Variants in KPNA4 observed in about 807,000 individuals in gnomAD.
The protein encoded by KPNA4 is karyopherin subunit alpha 4.
Under a neutral mutation model 71.3 loss-of-function variants are expected in KPNA4, and 13 were observed. That is an observed-to-expected ratio of 0.18 (90% confidence interval 0.12 to 0.29). KPNA4 has a LOEUF of 0.29. Ranked by LOEUF, KPNA4 falls within the 10% of genes least tolerant of loss-of-function variation. The pLI, the probability that KPNA4 is intolerant of heterozygous loss-of-function variation, is 1.00. For synonymous variants in KPNA4, 189 were observed against 195.2 expected (o/e 0.97, Z 0.26); for missense variants, 334 against 603.2 (o/e 0.55, Z 4.67).
chr3:160,555,927 G>A (rs1019086941), intron 1 of KPNA4, among the ~76,000 whole-genome samples: 2 of 152,192 alleles, frequency 1.3e-5, no homozygotes, highest in African/African-American at 4.8e-5. Flanking sequence ...CACCTCCTGG[G>A]TTCAAGTGAT....
At chr3:160,519,771 C>G (rs1290957072) in intron 11 of KPNA4, among the ~76,000 whole-genome samples, 3 of 133,286 alleles carry the variant, frequency 2.3e-5, no homozygotes, top group South Asian at 2.3e-4. Flanking sequence ...GTCCGCAGTC[C>G]GGCCTGGGCG....
In KPNA4 at chr3:160,537,406, T is replaced by C. The variant is rs190847602; in HGVS notation, c.70-566A>G. On this transcript the variant is annotated intron_variant, in intron 1 of 16. Transcript: ENST00000334256. ...TTCCATGGTGGTGTATAAAGACCTA[T>C]TTTATTATTTTTCATGGTCACCCAA... Among the ~76,000 whole-genome samples the C allele has an allele frequency of 1.4e-4, 22 of 151,972 alleles. No homozygotes were observed. The East Asian group carries it at 3.7e-3, about 25-fold the overall frequency.
At chr3:160,545,771 A>G (rs1361553169) in intron 1 of KPNA4, among the ~76,000 whole-genome samples, 1 of 152,204 alleles carries the variant, frequency 6.6e-6, no homozygotes, top group Non-Finnish European at 1.5e-5. Flanking sequence ...AATATCTTGG[A>G]CCAGAGTGGT....
rs1412943024 is a variant in KPNA4 at position 160,498,725 on chromosome 3, AC to A, written c.*3378del. 1 of 151,956 alleles carries A rather than the reference AC, an allele frequency of 6.6e-6. No individual in the cohort carries two copies. The highest frequency in any genetic ancestry group is 2.4e-5 in the African/African-American group (1 of 41,346). 9.4% of individuals were successfully genotyped at this position (151,956 alleles called of 1,614,324 possible). A position where few individuals can be genotyped will look rare whatever the true frequency, so the allele number is the denominator to read the frequency against. ...TTTTGCCATATGTGCATAAAAGAGG[AC>A]CCCCTAGCTTCAGATAAGACTGCAG... On this transcript the variant is annotated 3_prime_UTR_variant, in exon 17 of 17. Coordinates refer to ENST00000334256, the MANE Select transcript of KPNA4 (RefSeq NM_002268.5).
At chr3:160,514,243 T>TA (rs1577048252) in intron 12 of KPNA4, 62 bp from the exon 13 acceptor site, 1 of 1,151,282 alleles carries the variant, frequency 8.7e-7, no homozygotes, top group Non-Finnish European at 1.2e-6. Context: ...CTGAACTAAG[T>TA]AAAAAAGCAT....
At chr3:160,505,190 T>C in intron 15 of KPNA4, 138 bp from the exon 16 acceptor site, 1 of 413,784 alleles carries the variant, frequency 2.4e-6, no homozygotes, top group Non-Finnish European at 4.2e-6. Flanking sequence ...TAAAGGTGAA[T>C]CTTAAATATA....
intron 1 of KPNA4, among the ~76,000 whole-genome samples, chr3:160,544,789 G>C (rs1293257963): frequency 6.6e-6 from 1 of 151,626 alleles, no homozygotes; most frequent in Admixed American, 6.6e-5. Context: ...TGCATTTTCA[G>C]ATGAGAAAAA....
rs574703245 is a variant in KPNA4, at chr3:160,522,614, C to T, written c.772-704G>A. On this transcript the variant is annotated intron_variant, in intron 10 of 16. Transcript: ENST00000334256. ...CTGGGACTACAGGCGCATGCCGCAA[C>T]GCCTGGCTAAGTTTTGGCATTTTTC... is the stretch of plus-strand genomic sequence containing the variant. Among the ~76,000 whole-genome samples the T allele has an allele frequency of 1.2e-4, 19 of 152,292 alleles. 1 individual carries two copies. The highest frequency in any genetic ancestry group is 2.5e-4 in the Non-Finnish European group (17 of 68,018).
chr3:160,522,877 A>G (rs1441977178), intron 10 of KPNA4, among the ~76,000 whole-genome samples: 2 of 119,996 alleles, frequency 1.7e-5, no homozygotes, highest in East Asian at 4.1e-4. Context: ...TACAGCTGCT[A>G]CTTATGAAAA....
intron 1 of KPNA4, among the ~76,000 whole-genome samples, chr3:160,561,896 C>CA (rs1267641024): frequency 6.6e-6 from 1 of 152,200 alleles, no homozygotes; most frequent in South Asian, 2.1e-4. Flanking sequence ...AATTGCCAGG[C>CA]ATCTTCCTAA....
At chr3:160,540,236 T>C (rs963718531) in intron 1 of KPNA4, among the ~76,000 whole-genome samples, 6 of 151,944 alleles carry the variant, frequency 3.9e-5, no homozygotes, top group Admixed American at 6.6e-5. Flanking sequence ...CCTGACCTCA[T>C]GATCCACCCG....
At chr3:160,550,449 G>A (rs932742622) in intron 1 of KPNA4, among the ~76,000 whole-genome samples, 4 of 152,074 alleles carry the variant, frequency 2.6e-5, no homozygotes, top group African/African-American at 9.7e-5. Flanking sequence ...TTTCTTTGTA[G>A]AGACAGGGTC....
intron 10 of KPNA4, among the ~76,000 whole-genome samples, chr3:160,522,552 G>A (rs188391857): frequency 6.6e-6 from 1 of 152,156 alleles, no homozygotes; most frequent in Admixed American, 6.5e-5. Flanking sequence ...CCGCCTCCCG[G>A]GTTCATGCCA....
chr3:160,529,290 A>G (rs1362738160), intron 7 of KPNA4, among the ~76,000 whole-genome samples: 1 of 152,180 alleles, frequency 6.6e-6, no homozygotes, highest in East Asian at 1.9e-4. Context: ...GCAGGGTCAA[A>G]AAAATTCTAA....
chr3:160,508,077 A>G, intron 15 of KPNA4, 30 bp downstream of exon 15: 1 of 1,535,626 alleles, frequency 6.5e-7, no homozygotes, highest in Non-Finnish European at 8.8e-7. Context: ...GAACATTAAG[A>G]TGTGGAATAA....
Position 160,526,122 on chromosome 3 carries a change from G to A in KPNA4, c.557-15C>T, listed in dbSNP as rs1312523603. On this transcript the variant is annotated splice_polypyrimidine_tract_variant and intron_variant, in intron 8 of 16. Transcript: ENST00000334256. The stretch of plus-strand genomic sequence containing the variant: ...GGGCCCATCACCTGTAGAAAAAAAG[G>A]ATTAATTTACTCAATAAAACATACT... 5.4e-6 allele frequency: 8 copies of A among 1,494,784 alleles called. No individual in the cohort carries two copies. The highest frequency in any genetic ancestry group is 3.0e-5 in the South Asian group (2 of 67,252). The allele number at this position is 1,494,784 out of a possible 1,614,324, so 92.6% of individuals were successfully genotyped here. A position where few individuals can be genotyped will look rare whatever the true frequency, so the allele number is the denominator to read the frequency against.
chr3:160,551,945 G>A lies in KPNA4; in HGVS notation c.69+13269C>T, dbSNP rs530307467. Among the ~76,000 whole-genome samples, 5 of 144,314 alleles carry A rather than the reference G, an allele frequency of 3.5e-5. 1 individual carries two copies. The highest frequency in any genetic ancestry group is 6.2e-5 in the Non-Finnish European group (4 of 64,514). The allele number at this position is 144,314 out of a possible 152,430, so 94.7% of individuals were successfully genotyped here. On this transcript the variant is annotated intron_variant, in intron 1 of 16. Transcript: ENST00000334256. ...TGTTCTTGGTTGTCACAACTGGGGGGGGGGGGGTGATGTGCTACTGACATC... is the reference window on the plus strand; with the variant it reads ...TGTTCTTGGTTGTCACAACTGGGGGAGGGGGGGTGATGTGCTACTGACATC...
intron 15 of KPNA4, among the ~76,000 whole-genome samples, chr3:160,506,570 G>GA (rs1720987959): frequency 6.6e-6 from 1 of 152,106 alleles, no homozygotes; most frequent in Non-Finnish European, 1.5e-5. Context: ...TCCCCTAGAT[G>GA]AATCACCAAT....
intron 8 of KPNA4, among the ~76,000 whole-genome samples, chr3:160,526,982 G>C (rs529521263): frequency 6.6e-6 from 1 of 152,142 alleles, no homozygotes; most frequent in Non-Finnish European, 1.5e-5. Context: ...CCAATGTCAA[G>C]AATGGTTTAC....
Sources: allele counts gnomAD v4.1 joint callset (sites outside exome capture counted in the v4.1 genomes callset), GRCh38; gene constraint gnomAD v4.1.1; transcripts MANE v1.5; gene names NCBI Gene and HGNC (gene_info 2026-07-23, HGNC 2026-07-21).